UCK1: variants seen among roughly 807,000 people sequenced by gnomAD.
The protein encoded by UCK1 is uridine-cytidine kinase 1, also known as cytidine monophosphokinase 1.
A neutral mutation model predicts 34.0 loss-of-function variants in UCK1; 20 were observed. The ratio of observed to expected loss-of-function variants is 0.59; its 90% CI spans 0.41 to 0.86. The LOEUF (loss-of-function observed/expected upper bound fraction) is 0.86. Ranked by LOEUF, UCK1 falls within the 40% of genes least tolerant of loss-of-function variation. The pLI, the probability that UCK1 is intolerant of heterozygous loss-of-function variation, is 0.00. For missense variants in UCK1, 343 were observed against 383.6 expected (o/e 0.89, Z 0.88); for synonymous variants, 168 against 155.9 (o/e 1.08, Z -0.58).
intron 3 of UCK1, 25 bp from the exon 4 acceptor site, chr9:131,529,295 C>T: frequency 6.2e-7 from 1 of 1,613,648 alleles, no homozygotes; most frequent in Non-Finnish European, 8.5e-7. Context: ...GGGAAAGGGG[C>T]TCTGCTGCAG....
At chr9:131,527,658 C>G (rs990494201) in intron 5 of UCK1, among the ~76,000 whole-genome samples, 1 of 152,124 alleles carries the variant, frequency 6.6e-6, no homozygotes, top group Non-Finnish European at 1.5e-5. Flanking sequence ...GGGAGGACCA[C>G]TAGATCCCAG....
intron 5 of UCK1, among the ~76,000 whole-genome samples, chr9:131,526,949 T>C (rs886246394): frequency 1.3e-5 from 2 of 152,088 alleles, no homozygotes; most frequent in Admixed American, 1.3e-4. Flanking sequence ...GGGAAATACC[T>C]ACGGGGTCCA....
At position 131,524,822 on chromosome 9, in the gene UCK1, C is replaced by T; in HGVS notation, c.*218G>A. On this transcript the variant is annotated 3_prime_UTR_variant, in exon 7 of 7. Coordinates refer to ENST00000372215, the MANE Select transcript of UCK1 (RefSeq NM_031432.5). ...AGAGGGATCTTTAAACCGCAACGAG[C>T]CTAAGTGGCTGAAAACCTCAGGAAC... 1 of 561,070 alleles carries T rather than the reference C, an allele frequency of 1.8e-6. No homozygotes were observed. Among genetic ancestry groups the T allele is most frequent in the Admixed American group, 3.4e-5 (1 of 29,158 alleles). 34.8% of individuals were successfully genotyped at this position (561,070 alleles called of 1,614,324 possible).
At chr9:131,530,440 C>T (rs776888621) in intron 2 of UCK1, 46 bp downstream of exon 2, 2 of 1,605,236 alleles carry the variant, frequency 1.2e-6, no homozygotes, top group Non-Finnish European at 1.7e-6. Context: ...TAGCGGCCGC[C>T]CAGAATGGGG....
At chr9:131,528,714 T>C (rs1009287761) in intron 5 of UCK1, 1 of 580,218 alleles carries the variant, frequency 1.7e-6, no homozygotes, top group African/African-American at 1.9e-5. Context: ...AAGCGGCCAG[T>C]GTGAATGTGG....
intron 6 of UCK1, 66 bp from the exon 7 acceptor site, chr9:131,525,287 C>T (rs1396229558): frequency 1.5e-5 from 24 of 1,602,414 alleles, no homozygotes; most frequent in African/African-American, 1.3e-4. Context: ...CGCCCCTCCC[C>T]GCAGCACTCG....
intron 6 of UCK1, 116 bp downstream of exon 6, chr9:131,525,812 TC>T: frequency 9.0e-7 from 1 of 1,110,518 alleles, no homozygotes; most frequent in African/African-American, 1.5e-5. Context: ...GTGCCGCAGA[TC>T]AACACTGGCA....
At position 131,524,613 on chromosome 9, in the gene UCK1, TGTGA is replaced by T. The variant is rs10609062; in HGVS notation, c.*423_*426del. 0.32 allele frequency: 52,714 copies of T among 164,968 alleles called. 9,823 individuals carry two copies. The highest frequency in any genetic ancestry group is 0.76 in the East Asian group (4,106 of 5,436). 10.2% of individuals were successfully genotyped at this position (164,968 alleles called of 1,614,324 possible). The stretch of plus-strand genomic sequence containing the variant: ...GTTCACAAAACTTTTGAGTTATGTG[TGTGA>T]GTGTGTAAGAACCAGATCAGACTGG... On this transcript the variant is annotated 3_prime_UTR_variant, in exon 7 of 7. Coordinates refer to ENST00000372215, the MANE Select transcript of UCK1 (RefSeq NM_031432.5).
At chr9:131,525,762 C>T (rs952850451) in intron 6 of UCK1, among the ~76,000 whole-genome samples, 167 bp downstream of exon 6, 10 of 152,168 alleles carry the variant, frequency 6.6e-5, no homozygotes, top group African/African-American at 1.4e-4. Flanking sequence ...TGTGAGGCAC[C>T]GCGCCCAGCT....
At chr9:131,530,867 G>A (rs2131992458) in intron 1 of UCK1, among the ~76,000 whole-genome samples, 200 bp downstream of exon 1, 1 of 152,270 alleles carries the variant, frequency 6.6e-6, no homozygotes, top group East Asian at 1.9e-4. Flanking sequence ...AGAGGCTGTG[G>A]GGGAGCCCCG....
chr9:131,531,194 C>T lies in UCK1; in HGVS notation c.-20G>A, dbSNP rs906442159. On this transcript the variant is annotated 5_prime_UTR_variant, in exon 1 of 7. The change abolishes an upstream ATG in the 5' untranslated region. Coordinates refer to ENST00000372215, the MANE Select transcript of UCK1 (RefSeq NM_031432.5). Reference sequence around the variant, plus strand: ...AGCCATCTCGGCCTCCGCTCCCGCGCATCGGGTCCCCGCGCCCGCCCCTTC... The same window carrying T: ...AGCCATCTCGGCCTCCGCTCCCGCGTATCGGGTCCCCGCGCCCGCCCCTTC... The T allele has an allele frequency of 2.2e-6, 3 of 1,389,400 alleles. No homozygotes were observed. Among genetic ancestry groups the T allele is most frequent in the African/African-American group, 1.5e-5 (1 of 66,082 alleles). 86.1% of individuals were successfully genotyped at this position (1,389,400 alleles called of 1,614,324 possible). A position where few individuals can be genotyped will look rare whatever the true frequency, so the allele number is the denominator to read the frequency against.
At chr9:131,527,245 T>C (rs1198150948) in intron 5 of UCK1, among the ~76,000 whole-genome samples, 2 of 151,834 alleles carry the variant, frequency 1.3e-5, no homozygotes, top group African/African-American at 4.8e-5. Context: ...GGAGGATCAC[T>C]TGAGAGTGGA....
rs563242663 is a variant in UCK1, at chr9:131,525,935, T to C, written c.646A>G (p.Asn216Asp). Residue 216 changes from asparagine to aspartate, a missense_variant, in exon 6 of 7, where the codon AAT (asparagine) becomes GAT (aspartate). Asn to Asp is a conservative substitution (Grantham distance 23, BLOSUM62 1). Transcript: ENST00000372215. ...CAGCAGGCCAGCTTCTTACCCATAT[T>C]GTCCACTCCTCGCGGGATGATCACA... The part of the protein sequence containing the change: ...ADVIIPRGVD[N>D]MVAINLIVQH... 1 of 1,613,946 alleles carries C rather than the reference T, an allele frequency of 6.2e-7. No individual in the cohort carries two copies. Among genetic ancestry groups the C allele is most frequent in the Non-Finnish European group, 8.5e-7 (1 of 1,179,932 alleles).
Position 131,525,985 on chromosome 9 carries a change from G to C in UCK1, c.604-8C>G, listed in dbSNP as rs1268423522. Reference sequence around the variant, plus strand: ...ATCGGCATACTTCTTTGTCTGTAAGGCACAAGGGGGGGTGTTCCTGTGAGG... The same window carrying C: ...ATCGGCATACTTCTTTGTCTGTAAGCCACAAGGGGGGGTGTTCCTGTGAGG... On this transcript the variant is annotated splice_region_variant and splice_polypyrimidine_tract_variant and intron_variant, in intron 5 of 6. Transcript: ENST00000372215. 6.2e-7 allele frequency: 1 copy of C among 1,613,974 alleles called. No individual in the cohort carries two copies. Among genetic ancestry groups the C allele is most frequent in the Non-Finnish European group, 8.5e-7 (1 of 1,179,966 alleles).
intron 1 of UCK1, 126 bp downstream of exon 1, chr9:131,530,941 C>T (rs1950819320): frequency 9.7e-7 from 1 of 1,025,836 alleles, no homozygotes; most frequent in East Asian, 3.2e-5. Context: ...CCTGCAGCCC[C>T]TTCGCTCCCG....
chr9:131,531,178 G>C lies in UCK1; in HGVS notation c.-4C>G. On this transcript the variant is annotated 5_prime_UTR_variant, in exon 1 of 7. Transcript: ENST00000372215. ...CTTCGCCTCCCGCCGAAGCCATCTC[G>C]GCCTCCGCTCCCGCGCATCGGGTCC... 7.8e-6 allele frequency: 11 copies of C among 1,406,584 alleles called. No individual in the cohort carries two copies. The highest frequency in any genetic ancestry group is 1.0e-5 in the Non-Finnish European group (11 of 1,082,180). 87.1% of individuals were successfully genotyped at this position (1,406,584 alleles called of 1,614,324 possible).
At position 131,529,032 on chromosome 9, in the gene UCK1, C is replaced by T; in HGVS notation, c.515G>A (p.Arg172Gln). The T allele has an allele frequency of 6.8e-6, 11 of 1,614,034 alleles. No individual in the cohort carries two copies. Among genetic ancestry groups the T allele is most frequent in the African/African-American group, 1.3e-5 (1 of 75,042 alleles). ...SDVRLSRRVL[R>Q]DVRRGRDLEQ... is the part of the protein sequence containing the mutation. Reference sequence around the variant, plus strand: ...CAGGTCCCTCCCTCGGCGCACGTCCCGGAGAACTGCAGCGGCAAGGGGCAG... The same window carrying T: ...CAGGTCCCTCCCTCGGCGCACGTCCTGGAGAACTGCAGCGGCAAGGGGCAG... Residue 172 changes from arginine to glutamine, a missense_variant, in exon 5 of 7, where the codon CGG becomes CAG. By Grantham distance (43) the Arg-to-Gln change is conservative. Coordinates refer to ENST00000372215, the MANE Select transcript of UCK1 (RefSeq NM_031432.5).
intron 3 of UCK1, 80 bp from the exon 4 acceptor site, chr9:131,529,350 G>A (rs1950739558): frequency 6.2e-6 from 10 of 1,604,482 alleles, no homozygotes; most frequent in South Asian, 1.1e-5. Flanking sequence ...TCCATTGCAG[G>A]GACACTGACT....
intron 6 of UCK1, among the ~76,000 whole-genome samples, 165 bp downstream of exon 6, chr9:131,525,764 C>T (rs746556628): frequency 3.3e-5 from 5 of 152,170 alleles, no homozygotes; most frequent in African/African-American, 7.2e-5. Context: ...TGAGGCACCG[C>T]GCCCAGCTAC....
Sources: gnomAD v4.1 joint callset for allele counts (sites outside exome capture counted in the v4.1 genomes callset) on GRCh38, gnomAD v4.1.1 for gene constraint, MANE v1.5 for transcripts, NCBI Gene and HGNC (gene_info 2026-07-23, HGNC 2026-07-21) for gene names.